Variants in KMT2A observed in about 807,000 individuals in gnomAD.
The protein encoded by KMT2A is lysine methyltransferase 2A.
KMT2A carries 16 observed loss-of-function variants against 345.3 expected under a neutral mutation model. That is an observed-to-expected ratio of 0.05 (90% CI 0.03 to 0.07). KMT2A has a LOEUF of 0.07. Ranked by LOEUF, KMT2A falls within the 10% of genes least tolerant of loss-of-function variation. KMT2A has a pLI of 1.00. For synonymous variants in KMT2A, 1,599 were observed against 1,778.6 expected (o/e 0.90, Z 2.54); for missense variants, 3,272 against 4,841.6 (o/e 0.68, Z 9.62).
At chr11:118,507,457 C>A in intron 27 of KMT2A, 72 bp from the exon 28 acceptor site, 1 of 1,331,288 alleles carries the variant, frequency 7.5e-7, no homozygotes, top group Non-Finnish European at 1.1e-6. Flanking sequence ...CCATTTCTTT[C>A]GACTCACCTC....
intron 1 of KMT2A, among the ~76,000 whole-genome samples, chr11:118,461,973 A>G (rs1368311770): frequency 2.0e-5 from 3 of 151,720 alleles, no homozygotes; most frequent in African/African-American, 7.3e-5. Context: ...TATTTTTGAG[A>G]CGGAGTTTTG....
intron 1 of KMT2A, among the ~76,000 whole-genome samples, 199 bp from the exon 2 acceptor site, chr11:118,468,576 A>G (rs9332762): frequency 2.9e-4 from 44 of 152,228 alleles, no homozygotes; most frequent in Admixed American, 1.2e-3. Flanking sequence ...CACAGCTCCT[A>G]TTTGTCTGTA....
Position 118,471,875 on chromosome 11 carries a change from A to C in KMT2A, c.716A>C (p.Lys239Thr). Residue 239 changes from lysine (K) to threonine (T), a missense_variant, in exon 3 of 36, where the codon AAG becomes ACG. By Grantham distance (78) the Lys-to-Thr change is moderately conservative. Around this residue, in one of 27 missense-constraint regions of KMT2A, gnomAD observed 412 missense variants for 511.0 expected, o/e 0.81. Coordinates refer to ENST00000534358, the MANE Select transcript of KMT2A (RefSeq NM_001197104.2). ...PGVKIKITHG[K>T]DISELPKGNK... ...GTAAAAATCAAAATAACACATGGAA[A>C]GGACATTTCAGAGTTACCAAAGGGA... 3 of 1,613,126 alleles carry C rather than the reference A, an allele frequency of 1.9e-6. No individual in the cohort carries two copies. The highest frequency in any genetic ancestry group is 2.5e-6 in the Non-Finnish European group (3 of 1,179,708).
rs567590812 is a variant in KMT2A at position 118,505,444 on chromosome 11, T to C, written c.9552T>C (p.Pro3184=). The change falls in exon 27 of 36, where the codon CCT becomes CCC. Residue 3184 remains proline, a synonymous_variant. Transcript: ENST00000534358. The surrounding 1 kb of genome is among the most constrained non-coding windows in gnomAD (Gnocchi z 4.6). ...SSFPPNISNP[P]SGLLIGVQPP... is the part of the protein sequence containing the mutation. The stretch of plus-strand genomic sequence containing the variant: ...TCCCACCAAACATCAGCAATCCTCC[T>C]TCAGGCCTGCTTATTGGGGTTCAGC... 1.2e-6 allele frequency: 2 copies of C among 1,614,214 alleles called. No individual in the cohort carries two copies. The highest frequency in any genetic ancestry group is 1.7e-6 in the Non-Finnish European group (2 of 1,180,040).
chr11:118,510,248 T>C lies in KMT2A; in HGVS notation c.11071+130T>C. ...GGTAGGGGGATACCTGGAGGCATCA[T>C]ACATTTTCCTTGTCCTTGAGAAGTT... is the stretch of plus-strand genomic sequence containing the variant. On this transcript the variant is annotated intron_variant, in intron 30 of 35. Coordinates refer to ENST00000534358, the MANE Select transcript of KMT2A (RefSeq NM_001197104.2). The surrounding 1 kb of genome is among the most constrained non-coding windows in gnomAD (Gnocchi z 4.1). 4.6e-6 allele frequency: 3 copies of C among 653,882 alleles called. No individual in the cohort carries two copies. The highest frequency in any genetic ancestry group is 5.5e-5 in the Admixed American group (2 of 36,604). The allele number at this position is 653,882 out of a possible 1,614,324, so 40.5% of individuals were successfully genotyped here. A position where few individuals can be genotyped will look rare whatever the true frequency, so the allele number is the denominator to read the frequency against.
Position 118,472,181 on chromosome 11 carries a change from C to A in KMT2A, c.1022C>A (p.Thr341Lys), listed in dbSNP as rs782573096. ...RKDKEGTPPL[T>K]KEDKTVVRQS... The stretch of plus-strand genomic sequence containing the variant: ...GACAAGGAAGGAACACCTCCACTTA[C>A]AAAAGAAGATAAGACAGTTGTCAGA... Residue 341 changes from threonine to lysine, a missense_variant, in exon 3 of 36, where the codon ACA becomes AAA. Physicochemically the swap from Thr to Lys is moderately conservative, Grantham distance 78. Around this residue, in one of 27 missense-constraint regions of KMT2A, gnomAD observed 412 missense variants for 511.0 expected, o/e 0.81. Transcript: ENST00000534358. 4 of 1,613,680 alleles carry A rather than the reference C, an allele frequency of 2.5e-6. No individual in the cohort carries two copies. In the African/African-American group the frequency reaches 4.0e-5, roughly 16 times the overall value.
At chr11:118,514,397 C>T (rs1555050972) in intron 31 of KMT2A, among the ~76,000 whole-genome samples, 1 of 151,866 alleles carries the variant, frequency 6.6e-6, no homozygotes, top group Non-Finnish European at 1.5e-5. Context: ...CTTTGTTCTG[C>T]AGCCACACTA....
At position 118,502,874 on chromosome 11, in the gene KMT2A, T is replaced by A. The variant is rs1950522616; in HGVS notation, c.6982T>A (p.Tyr2328Asn). The A allele has an allele frequency of 2.5e-6, 4 of 1,614,196 alleles. No individual in the cohort carries two copies. Among genetic ancestry groups the A allele is most frequent in the Non-Finnish European group, 3.4e-6 (4 of 1,180,038 alleles). The change falls in exon 27 of 36, where the codon TAC (tyrosine) becomes AAC (asparagine). Residue 2328 changes from tyrosine (Y) to asparagine (N), a missense_variant. Physicochemically the swap from Tyr to Asn is moderately radical, Grantham distance 143 (BLOSUM62 -2). Coordinates refer to ENST00000534358, the MANE Select transcript of KMT2A (RefSeq NM_001197104.2). This position sits in a 1 kb window ranked among gnomAD's most constrained non-coding sequence, Gnocchi z 4.9. ...SSEGSAHNVA[Y>N]PGIPKLAPQV... ...AGAGGGATCTGCACATAATGTGGCT[T>A]ACCCTGGAATTCCTAAACTGGCCCC...
chr11:118,493,052 A>T lies in KMT2A; in HGVS notation c.5005-5A>T, dbSNP rs1292905176. 6.2e-7 allele frequency: 1 copy of T among 1,611,894 alleles called. No homozygotes were observed. Among genetic ancestry groups the T allele is most frequent in the Non-Finnish European group, 8.5e-7 (1 of 1,178,878 alleles). On this transcript the variant is annotated splice_polypyrimidine_tract_variant and splice_region_variant and intron_variant, in intron 15 of 35. Coordinates refer to ENST00000534358, the MANE Select transcript of KMT2A (RefSeq NM_001197104.2). This position sits in a 1 kb window ranked among gnomAD's most constrained non-coding sequence, Gnocchi z 5.8. ...ATAAAAGCAACATATCTTTCCTGGC[A>T]ATAGGCTGCCAAGCCTCCAGACTTA...
At chr11:118,438,132 C>CT (rs1312505727) in intron 1 of KMT2A, among the ~76,000 whole-genome samples, 1 of 152,004 alleles carries the variant, frequency 6.6e-6, no homozygotes, top group East Asian at 1.9e-4. Flanking sequence ...GACAGTTATA[C>CT]TTTAGTGTGG....
At chr11:118,519,573 T>C (rs1555052761) in intron 31 of KMT2A, 45 bp from the exon 32 acceptor site, 1 of 1,570,216 alleles carries the variant, frequency 6.4e-7, no homozygotes, top group Admixed American at 1.7e-5. Context: ...TGCTGTTTCC[T>C]GTTGACTGCG....
Position 118,504,219 on chromosome 11 carries a change from G to C in KMT2A, c.8327G>C (p.Gly2776Ala), listed in dbSNP as rs532935420. 6.2e-7 allele frequency: 1 copy of C among 1,614,128 alleles called. No individual in the cohort carries two copies. The highest frequency in any genetic ancestry group is 8.5e-7 in the Non-Finnish European group (1 of 1,180,028). Residue 2776 changes from glycine (G) to alanine (A), a missense_variant, in exon 27 of 36, where the codon GGC (glycine) becomes GCC (alanine). This residue lies in a region of KMT2A where 100 missense variants were observed against 101.3 expected (regional missense o/e 0.99). Transcript: ENST00000534358. The surrounding 1 kb of genome is among the most constrained non-coding windows in gnomAD (Gnocchi z 6.4). ...GAACATGTCACTAAGAGTTCTGTTG[G>C]CCACAAAAATGAGCCAAAGATGGAT... ...EKEHVTKSSVGHKNEPKMDNC... is the reference protein window; with the variant it reads ...EKEHVTKSSVAHKNEPKMDNC...
Position 118,506,501 on chromosome 11 carries a change from A to C in KMT2A, c.10609A>C (p.Thr3537Pro). ...RSASPSVPGP[T>P]KPKPKTKRFQ... ...AGCAAGCCCTTCAGTGCCGGGTCCC[A>C]CTAAACCCAAACCAAAAACCAAACG... is the stretch of plus-strand genomic sequence containing the variant. The change falls in exon 27 of 36, where the codon ACT becomes CCT. Residue 3537 changes from threonine to proline, a missense_variant. This residue lies in a region of KMT2A where 748 missense variants were observed against 922.2 expected (regional missense o/e 0.81). Coordinates refer to ENST00000534358, the MANE Select transcript of KMT2A (RefSeq NM_001197104.2). The C allele has an allele frequency of 6.2e-7, 1 of 1,614,192 alleles. No individual in the cohort carries two copies. Among genetic ancestry groups the C allele is most frequent in the South Asian group, 1.1e-5 (1 of 91,078 alleles).
At position 118,520,711 on chromosome 11, in the gene KMT2A, AGT is replaced by A. The variant is rs1226169044; in HGVS notation, c.11430-88_11430-87del. 5 of 898,596 alleles carry A rather than the reference AGT, an allele frequency of 5.6e-6. No individual in the cohort carries two copies. In the Admixed American group the frequency reaches 6.0e-5, roughly 11 times the overall value. 55.7% of individuals were successfully genotyped at this position (898,596 alleles called of 1,614,324 possible). A position where few individuals can be genotyped will look rare whatever the true frequency, so the allele number is the denominator to read the frequency against. On this transcript the variant is annotated intron_variant, in intron 33 of 35. Coordinates refer to ENST00000534358, the MANE Select transcript of KMT2A (RefSeq NM_001197104.2). The surrounding 1 kb of genome is among the most constrained non-coding windows in gnomAD (Gnocchi z 4.3). Reference sequence around the variant, plus strand: ...TCGTTCAGTTTGGCATTAAACAAAGAGTGTACTAATTGTCTCTAGGAACCTTC... The same window carrying A: ...TCGTTCAGTTTGGCATTAAACAAAGAGTACTAATTGTCTCTAGGAACCTTC...
chr11:118,525,882 A>G lies in KMT2A; in HGVS notation c.*3710A>G, dbSNP rs1318302977. The G allele has an allele frequency of 4.5e-6, 1 of 224,414 alleles. No homozygotes were observed. Among genetic ancestry groups the G allele is most frequent in the East Asian group, 6.5e-5 (1 of 15,436 alleles). 13.9% of individuals were successfully genotyped at this position (224,414 alleles called of 1,614,324 possible). On this transcript the variant is annotated 3_prime_UTR_variant, in exon 36 of 36. Transcript: ENST00000534358. Reference sequence around the variant, plus strand: ...CTTCATTTTAAAGCAATACAAGGTTATGGAGCAGATGGTTTTGTGCCGAAT... The same window carrying G: ...CTTCATTTTAAAGCAATACAAGGTTGTGGAGCAGATGGTTTTGTGCCGAAT...
rs782366377 is a variant in KMT2A at position 118,519,716 on chromosome 11, C to G, written c.11245C>G (p.Arg3749Gly). 6.2e-7 allele frequency: 1 copy of G among 1,614,178 alleles called. No individual in the cohort carries two copies. The highest frequency in any genetic ancestry group is 8.5e-7 in the Non-Finnish European group (1 of 1,180,036). The change falls in exon 32 of 36, where the codon CGT becomes GGT. Residue 3749 changes from arginine (R) to glycine (G), a missense_variant. Physicochemically the swap from Arg to Gly is moderately radical, Grantham distance 125 (BLOSUM62 -2). Transcript: ENST00000534358. ...CAAGCACTGTCGAAATTACAAATTC[C>G]GTTTCCACAAGCCAGAGGAGGCCAA... ...GAKHCRNYKF[R>G]FHKPEEANEP...
chr11:118,461,183 A>G (rs1949737359), intron 1 of KMT2A, among the ~76,000 whole-genome samples: 1 of 152,226 alleles, frequency 6.6e-6, no homozygotes, highest in Admixed American at 6.5e-5. Context: ...CGTCACTCAC[A>G]GAAATAACTG....
intron 31 of KMT2A, among the ~76,000 whole-genome samples, chr11:118,513,423 G>T (rs1275964471): frequency 1.3e-5 from 2 of 151,684 alleles, no homozygotes; most frequent in African/African-American, 4.8e-5. Context: ...AATTTTATCA[G>T]TGATGTTCTT....
chr11:118,522,727 A>G lies in KMT2A; in HGVS notation c.*555A>G, dbSNP rs1180263718. The stretch of plus-strand genomic sequence containing the variant: ...CTTCTGGTTGGGAGACAGGATTCCT[A>G]GCACCTCCGGTGTCAAAAGGCTGTC... On this transcript the variant is annotated 3_prime_UTR_variant, in exon 36 of 36. Coordinates refer to ENST00000534358, the MANE Select transcript of KMT2A (RefSeq NM_001197104.2). This position sits in a 1 kb window ranked among gnomAD's most constrained non-coding sequence, Gnocchi z 5.4. The G allele has an allele frequency of 4.7e-6, 1 of 214,462 alleles. No individual in the cohort carries two copies. Among genetic ancestry groups the G allele is most frequent in the Non-Finnish European group, 9.4e-6 (1 of 105,968 alleles). The allele number at this position is 214,462 out of a possible 1,614,324, so 13.3% of individuals were successfully genotyped here.
Sources: allele counts gnomAD v4.1 joint callset (sites outside exome capture counted in the v4.1 genomes callset), GRCh38; gene constraint gnomAD v4.1.1; regional missense constraint gnomAD v4.1.1; non-coding constraint Gnocchi (gnomAD v3.1); transcripts MANE v1.5; gene names NCBI Gene and HGNC (gene_info 2026-07-23, HGNC 2026-07-21).